SDK1: variants seen among roughly 807,000 people sequenced by gnomAD.
The protein encoded by SDK1 is sidekick cell adhesion molecule 1.
Under a neutral mutation model 245.5 loss-of-function variants are expected in SDK1, and 157 were observed. That is an observed-to-expected ratio of 0.64 (90% CI 0.56 to 0.73). The LOEUF (loss-of-function observed/expected upper bound fraction) is 0.73. Among genes scored for constraint, SDK1 ranks in the 30% least tolerant of loss-of-function variants. The pLI is 0.00. For synonymous variants in SDK1, 1,647 were observed against 1,278.5 expected (o/e 1.29, Z -6.15); for missense variants, 3,583 against 3,002.3 (o/e 1.19, Z -4.52).
Position 3,613,205 on chromosome 7 carries a change from T to C in SDK1, c.299-5875T>C, listed in dbSNP as rs577177960. On this transcript the variant is annotated intron_variant, in intron 1 of 44. Transcript: ENST00000404826. Reference sequence around the variant, plus strand: ...TCCATCGCAAGACCCCCTTTCTTGATGTTAGGGAAGCCGGGGGACGCAGGA... The same window carrying C: ...TCCATCGCAAGACCCCCTTTCTTGACGTTAGGGAAGCCGGGGGACGCAGGA... Among the ~76,000 whole-genome samples, 205 of 152,216 alleles carry C rather than the reference T, an allele frequency of 1.3e-3. 1 individual carries two copies. Among genetic ancestry groups the C allele is most frequent in the Non-Finnish European group, 2.0e-3 (138 of 68,006 alleles).
intron 12 of SDK1, among the ~76,000 whole-genome samples, chr7:3,972,926 G>T (rs998538736): frequency 1.3e-5 from 2 of 152,142 alleles, no homozygotes; most frequent in African/African-American, 4.8e-5. Flanking sequence ...ACCCCCCTGG[G>T]GGCCACCCTG....
chr7:3,471,626 G>C (rs1232160457), intron 1 of SDK1, among the ~76,000 whole-genome samples: 2 of 152,192 alleles, frequency 1.3e-5, no homozygotes, highest in Non-Finnish European at 2.9e-5. Context: ...TTTGAAGTAA[G>C]TCAAGAGTAA....
In SDK1 at chr7:3,635,424, C is replaced by T. The variant is rs569704860; in HGVS notation, c.459-3580C>T. On this transcript the variant is annotated intron_variant, in intron 2 of 44. Transcript: ENST00000404826. ...CGCTTAAAATTATGCCTATCAGTTC[C>T]TTTTTCAGGTTGCCTAATTGTGCAT... Among the ~76,000 whole-genome samples, 4 of 152,232 alleles carry T rather than the reference C, an allele frequency of 2.6e-5. No individual in the cohort carries two copies. The East Asian group carries it at 7.7e-4, about 29-fold the overall frequency.
chr7:3,560,216 A>G (rs1006698214), intron 1 of SDK1, among the ~76,000 whole-genome samples: 2 of 152,244 alleles, frequency 1.3e-5, no homozygotes, highest in African/African-American at 4.8e-5. Flanking sequence ...ACCCTAGCGT[A>G]TCTTTAGAAG....
intron 22 of SDK1, among the ~76,000 whole-genome samples, chr7:4,089,768 A>C (rs1781672004): frequency 6.6e-6 from 1 of 152,230 alleles, no homozygotes; most frequent in Non-Finnish European, 1.5e-5. Context: ...TGATTTCAAA[A>C]GTGTTTTAGA....
intron 8 of SDK1, among the ~76,000 whole-genome samples, chr7:3,961,444 G>A (rs529836116): frequency 6.6e-6 from 1 of 152,234 alleles, no homozygotes; most frequent in Non-Finnish European, 1.5e-5. Flanking sequence ...TTAAATCAAG[G>A]GATTTTGGTG....
At chr7:3,611,776 A>C (rs924232451) in intron 1 of SDK1, among the ~76,000 whole-genome samples, 1 of 152,116 alleles carries the variant, frequency 6.6e-6, no homozygotes, top group African/African-American at 2.4e-5. Context: ...CCACAATGCT[A>C]TGCCTCCTTA....
chr7:3,742,646 C>T (rs1308979278), intron 4 of SDK1, among the ~76,000 whole-genome samples: 1 of 152,166 alleles, frequency 6.6e-6, no homozygotes, highest in Non-Finnish European at 1.5e-5. Context: ...CAAGCACAGC[C>T]ATTCTTATGA....
chr7:4,214,091 G>C (rs576987314), intron 38 of SDK1, among the ~76,000 whole-genome samples: 24 of 152,290 alleles, frequency 1.6e-4, no homozygotes, highest in African/African-American at 5.8e-4. Flanking sequence ...TGGGCTCAGA[G>C]CCACAAAGAC....
chr7:4,190,847 A>G (rs567247262), intron 35 of SDK1, among the ~76,000 whole-genome samples: 84 of 152,336 alleles, frequency 5.5e-4, no homozygotes, highest in African/African-American at 2.0e-3. Flanking sequence ...CTAGGCAGAC[A>G]CAGCCCCCGA....
intron 1 of SDK1, among the ~76,000 whole-genome samples, chr7:3,474,845 A>G (rs760009374): frequency 3.9e-5 from 6 of 152,126 alleles, no homozygotes; most frequent in Non-Finnish European, 5.9e-5. Context: ...GGTGTGCACC[A>G]TCATACCTGG....
rs1022317359 is a variant in SDK1 at position 3,811,624 on chromosome 7, G to T, written c.714-9826G>T. 2.0e-5 allele frequency among the ~76,000 whole-genome samples: 3 copies of T among 152,286 alleles called. No individual in the cohort carries two copies. The East Asian group carries it at 5.8e-4, about 29-fold the overall frequency. ...CCACCCACCAAAGCCCCTCTCTGCT[G>T]CTGCTGTTGGCCATGGTGCTGGGAG... On this transcript the variant is annotated intron_variant, in intron 4 of 44. Coordinates refer to ENST00000404826, the MANE Select transcript of SDK1 (RefSeq NM_152744.4).
At chr7:3,594,797 A>G (rs1781000310) in intron 1 of SDK1, among the ~76,000 whole-genome samples, 1 of 152,234 alleles carries the variant, frequency 6.6e-6, no homozygotes, top group South Asian at 2.1e-4. Flanking sequence ...TATAAGAACC[A>G]TCAGTCCCTG....
chr7:3,306,266 C>G (rs1311394438), intron 1 of SDK1, among the ~76,000 whole-genome samples: 1 of 152,194 alleles, frequency 6.6e-6, no homozygotes, highest in African/African-American at 2.4e-5. Context: ...CCCCTTCCAT[C>G]TACACATTCG....
intron 1 of SDK1, among the ~76,000 whole-genome samples, chr7:3,509,948 A>G (rs1157190418): frequency 2.0e-5 from 3 of 152,174 alleles, no homozygotes; most frequent in Admixed American, 6.5e-5. Context: ...GACTCATTAA[A>G]TGAAGGTCTC....
At chr7:3,548,770 C>G (rs1583153110) in intron 1 of SDK1, among the ~76,000 whole-genome samples, 1 of 152,164 alleles carries the variant, frequency 6.6e-6, no homozygotes, top group Admixed American at 6.5e-5. Flanking sequence ...TCCCATCTTC[C>G]TTTTATATTG....
chr7:3,666,489 G>A (rs1044112175), intron 4 of SDK1, among the ~76,000 whole-genome samples: 15 of 152,066 alleles, frequency 9.9e-5, no homozygotes, highest in Admixed American at 1.3e-4. Context: ...CCCTGCTGCC[G>A]ACACACAGCA....
chr7:4,174,476 C>T (rs1235787477), intron 33 of SDK1, 119 bp downstream of exon 33: 1 of 1,171,116 alleles, frequency 8.5e-7, no homozygotes, highest in African/African-American at 1.5e-5. Flanking sequence ...AGAGGCAGCC[C>T]TGCCCTCAGG....
At chr7:4,260,933 C>G (rs888496510) in intron 44 of SDK1, among the ~76,000 whole-genome samples, 1 of 152,196 alleles carries the variant, frequency 6.6e-6, no homozygotes, top group Non-Finnish European at 1.5e-5. Flanking sequence ...GTCTGCAATT[C>G]TCCTAAATGC....
Sources: gnomAD v4.1 joint callset for allele counts (sites outside exome capture counted in the v4.1 genomes callset) on GRCh38, gnomAD v4.1.1 for gene constraint, MANE v1.5 for transcripts, NCBI Gene and HGNC (gene_info 2026-07-23, HGNC 2026-07-21) for gene names.